RTL4: variants seen among roughly 807,000 people sequenced by gnomAD.
RTL4 encodes the protein retrotransposon Gag-like protein 4.
A neutral mutation model predicts 5.3 loss-of-function variants in RTL4; 4 were observed. That is an observed-to-expected ratio of 0.75 (90% CI 0.37 to 1.72). The LOEUF (loss-of-function observed/expected upper bound fraction) is 1.72, where lower values mean the gene tolerates loss of function less well. Ranked by LOEUF, RTL4 falls within the 40% of genes most tolerant of loss-of-function variation. The pLI is 0.04. For synonymous variants in RTL4, 98 were observed against 87.3 expected, an observed-to-expected ratio of 1.12 and a Z score of -0.68; for missense variants, 260 against 227.1, an observed-to-expected ratio of 1.14 and a Z score of -0.93.
At chrX:112,423,279 C>G in the RTL4 span, among the ~76,000 whole-genome samples, 1 of 110,586 alleles carries the variant, frequency 9.0e-6, no homozygotes, top group African/African-American at 3.3e-5. Context: ...GGCAAAGCAA[C>G]TTACCGATCT....
the RTL4 span, among the ~76,000 whole-genome samples, chrX:112,361,520 G>A: frequency 8.1e-5 from 9 of 110,880 alleles, no homozygotes; most frequent in Non-Finnish European, 1.3e-4. Flanking sequence ...ATTCTAATTC[G>A]ACAACTTCCT....
chrX:112,083,182 A>AGAC, the RTL4 span, among the ~76,000 whole-genome samples: 8 of 112,290 alleles, frequency 7.1e-5, no homozygotes, highest in Non-Finnish European at 1.1e-4. Context: ...GTGGTGGCAG[A>AGAC]GACGGGAGGG....
the RTL4 span, among the ~76,000 whole-genome samples, chrX:112,289,882 T>C: frequency 9.0e-6 from 1 of 111,478 alleles, no homozygotes; most frequent in African/African-American, 3.3e-5. Flanking sequence ...ATTATCTTCA[T>C]TTTGTAGATG....
At chrX:112,276,307 T>C in the RTL4 span, among the ~76,000 whole-genome samples, 1 of 111,785 alleles carries the variant, frequency 8.9e-6, no homozygotes, top group African/African-American at 3.3e-5. Flanking sequence ...ATTTTCTTAA[T>C]GAAGCCTTTC....
At chrX:112,284,713 G>A in the RTL4 span, among the ~76,000 whole-genome samples, 1 of 111,422 alleles carries the variant, frequency 9.0e-6, no homozygotes, top group Non-Finnish European at 1.9e-5. Flanking sequence ...CAAGCAACTG[G>A]CAGCCAGGCC....
chrX:112,390,106 AATATATATATATATATATATATATAT>A, the RTL4 span, among the ~76,000 whole-genome samples: 1,626 of 17,408 alleles, frequency 0.093, 78 homozygotes, highest in Non-Finnish European at 0.12. Flanking sequence ...ATTTATATAT[AATATATATATATATATATATATATAT>A]ATATATATAT....
chrX:112,312,225 C>T, the RTL4 span, among the ~76,000 whole-genome samples: 3 of 111,212 alleles, frequency 2.7e-5, no homozygotes, highest in African/African-American at 6.5e-5. Flanking sequence ...GTCACTTCAA[C>T]TCCCTGGATC....
At chrX:112,145,537 T>C in the RTL4 span, among the ~76,000 whole-genome samples, 1 of 112,200 alleles carries the variant, frequency 8.9e-6, no homozygotes, top group East Asian at 2.8e-4. Flanking sequence ...GTGCAGGCAC[T>C]GTTTTAGGTG....
the RTL4 span, among the ~76,000 whole-genome samples, chrX:112,144,770 T>C: frequency 3.6e-4 from 40 of 111,686 alleles, no homozygotes; most frequent in Middle Eastern, 4.6e-3. Flanking sequence ...CGCTCTTCTG[T>C]TCCTCCACAT....
the RTL4 span, among the ~76,000 whole-genome samples, chrX:112,272,283 T>C: frequency 8.9e-6 from 1 of 112,207 alleles, no homozygotes; most frequent in African/African-American, 3.2e-5. Flanking sequence ...AGGCTGGCCA[T>C]AAATGAATGA....
At chrX:112,138,805 T>G in the RTL4 span, among the ~76,000 whole-genome samples, 37 of 111,731 alleles carry the variant, frequency 3.3e-4, no homozygotes, top group Admixed American at 3.4e-3. Flanking sequence ...TACATAATAT[T>G]TCTATCTACA....
the RTL4 span, among the ~76,000 whole-genome samples, chrX:112,118,933 G>A: frequency 2.7e-5 from 3 of 110,520 alleles, no homozygotes; most frequent in African/African-American, 9.9e-5. Context: ...CACCCAGACT[G>A]GAGTGCAGTT....
chrX:112,452,775 T>C (rs1484544271), upstream of RTL4, among the ~76,000 whole-genome samples: 4 of 111,692 alleles, frequency 3.6e-5, no homozygotes, highest in Non-Finnish European at 5.6e-5. Context: ...CTCACACCTG[T>C]AATCCCAGCA....
the RTL4 span, among the ~76,000 whole-genome samples, chrX:112,396,600 TC>T: frequency 9.0e-6 from 1 of 110,762 alleles, no homozygotes; most frequent in Non-Finnish European, 1.9e-5. Context: ...TCATATTATA[TC>T]CCCCCCACCC....
At chrX:112,263,154 G>A in the RTL4 span, among the ~76,000 whole-genome samples, 2 of 104,893 alleles carry the variant, frequency 1.9e-5, no homozygotes, top group Admixed American at 2.1e-4. Context: ...GTATACATAT[G>A]TAACAAACCT....
At chrX:112,091,028 AT>A in the RTL4 span, among the ~76,000 whole-genome samples, 1 of 110,346 alleles carries the variant, frequency 9.1e-6, no homozygotes, top group East Asian at 2.8e-4. Flanking sequence ...AGGTTATCTA[AT>A]TTCTTGTTGT....
At chrX:112,232,725 T>C in the RTL4 span, among the ~76,000 whole-genome samples, 7 of 111,790 alleles carry the variant, frequency 6.3e-5, no homozygotes, top group Non-Finnish European at 1.3e-4. Context: ...CTTTCCTGAA[T>C]TTAACAGAAA....
the RTL4 span, among the ~76,000 whole-genome samples, chrX:112,417,852 C>T: frequency 0.034 from 3,792 of 111,426 alleles, 178 homozygotes; most frequent in African/African-American, 0.12. Context: ...TAGGGAGTGA[C>T]GAAAATGTTC....
the RTL4 span, among the ~76,000 whole-genome samples, chrX:112,226,974 T>C: frequency 1.6e-5 from 1 of 64,334 alleles, no homozygotes; most frequent in Non-Finnish European, 2.9e-5. Flanking sequence ...AATAAAATAA[T>C]AAAATAAAAT....
Sources: allele counts gnomAD v4.1 joint callset (sites outside exome capture counted in the v4.1 genomes callset), GRCh38; gene constraint gnomAD v4.1.1; transcripts MANE v1.5; gene names NCBI Gene and HGNC (gene_info 2026-07-23, HGNC 2026-07-21).